The following MICAL2 variants were observed in gnomAD, a reference collection of about 807,000 sequenced individuals.
MICAL2 encodes the protein [F-actin]-monooxygenase MICAL2.
Under a neutral mutation model 127.3 loss-of-function variants are expected in MICAL2, and 77 were observed. That is an observed-to-expected ratio of 0.60 (90% confidence interval 0.50 to 0.73). The LOEUF (loss-of-function observed/expected upper bound fraction) is 0.73. Among genes scored for constraint, MICAL2 ranks in the 30% least tolerant of loss-of-function variants. The probability of loss-of-function intolerance (pLI) is 0.00; values close to 1 mark genes in which losing one functional copy is unlikely to be tolerated. For missense variants in MICAL2, 1,351 were observed against 1,434.4 expected, an observed-to-expected ratio of 0.94 and a Z score of 0.94; for synonymous variants, 570 against 551.1, an observed-to-expected ratio of 1.03 and a Z score of -0.48.
chr11:12,276,226 T>C (rs1421899198), intron 1 of MICAL2: 4 of 370,890 alleles, frequency 1.1e-5, no homozygotes, highest in Non-Finnish European at 1.8e-5. Flanking sequence ...GGAATCACAT[T>C]TGGGATTGGG....
chr11:12,138,752 A>G (rs1011554115), intron 2 of MICAL2, among the ~76,000 whole-genome samples: 2 of 152,178 alleles, frequency 1.3e-5, no homozygotes, highest in African/African-American at 4.8e-5. Flanking sequence ...GCCAGGCAGC[A>G]ATTCCCGGCA....
At chr11:12,213,592 G>T (rs1289152137) in intron 7 of MICAL2, among the ~76,000 whole-genome samples, 182 bp downstream of exon 7, 1 of 152,238 alleles carries the variant, frequency 6.6e-6, no homozygotes, top group Non-Finnish European at 1.5e-5. Flanking sequence ...GGACAAGAGA[G>T]ATTCTTGAGG....
At chr11:12,139,260 T>G (rs1015494473) in intron 2 of MICAL2, among the ~76,000 whole-genome samples, 6 of 152,146 alleles carry the variant, frequency 3.9e-5, no homozygotes. Context: ...GAGAACATTT[T>G]GGGACCATAT....
At chr11:12,144,094 G>A (rs1304274847) in intron 2 of MICAL2, among the ~76,000 whole-genome samples, 1 of 152,166 alleles carries the variant, frequency 6.6e-6, no homozygotes, top group African/African-American at 2.4e-5. Context: ...TCTATGGAGA[G>A]GAGCAAACCA....
At chr11:12,149,303 A>G (rs187449138) in intron 2 of MICAL2, among the ~76,000 whole-genome samples, 5 of 152,168 alleles carry the variant, frequency 3.3e-5, no homozygotes, top group Admixed American at 2.0e-4. Flanking sequence ...TCACGAAGGT[A>G]GTTTTTGTTT....
chr11:12,210,573 G>A (rs976118886), intron 6 of MICAL2, among the ~76,000 whole-genome samples: 13 of 152,206 alleles, frequency 8.5e-5, no homozygotes, highest in Middle Eastern at 3.4e-3. Flanking sequence ...TACCCACCTC[G>A]CCAACCATAG....
chr11:12,298,225 A>C (rs1864009306), intron 29 of MICAL2, among the ~76,000 whole-genome samples: 1 of 151,948 alleles, frequency 6.6e-6, no homozygotes, highest in African/African-American at 2.4e-5. Flanking sequence ...CATAATTATT[A>C]ATTTTATTAA....
intron 29 of MICAL2, among the ~76,000 whole-genome samples, chr11:12,318,166 C>T (rs1322056329): frequency 9.9e-5 from 15 of 152,216 alleles, no homozygotes; most frequent in Admixed American, 9.8e-4. Flanking sequence ...GCACTTTACA[C>T]TGATTATCTC....
At chr11:12,227,242 G>C in intron 15 of MICAL2, 111 bp downstream of exon 15, 1 of 749,816 alleles carries the variant, frequency 1.3e-6, no homozygotes, top group South Asian at 1.8e-5. Context: ...ACATGGATCA[G>C]GCGCTCCCGG....
At chr11:12,355,903 T>C (rs1478496458) in intron 34 of MICAL2, among the ~76,000 whole-genome samples, 1 of 152,164 alleles carries the variant, frequency 6.6e-6, no homozygotes, top group African/African-American at 2.4e-5. Flanking sequence ...ATTTTTTATA[T>C]GTCAGAGGGG....
chr11:12,167,784 C>A (rs1219306493), intron 3 of MICAL2, among the ~76,000 whole-genome samples: 1 of 152,100 alleles, frequency 6.6e-6, no homozygotes, highest in Non-Finnish European at 1.5e-5. Context: ...CGGGTTGTAC[C>A]AATGGTTGCA....
At chr11:12,210,744 G>A (rs889406770) in intron 6 of MICAL2, among the ~76,000 whole-genome samples, 5 of 152,210 alleles carry the variant, frequency 3.3e-5, no homozygotes, top group Non-Finnish European at 7.3e-5. Context: ...AAGAAGGGTG[G>A]AGAGTGATGG....
intron 6 of MICAL2, among the ~76,000 whole-genome samples, chr11:12,212,422 G>C (rs1363628842): frequency 1.3e-5 from 2 of 152,140 alleles, no homozygotes; most frequent in African/African-American, 4.8e-5. Flanking sequence ...GCTGCAGTGA[G>C]CCATGATTGG....
chr11:12,167,449 C>A (rs1370135829), intron 3 of MICAL2, among the ~76,000 whole-genome samples: 1 of 152,040 alleles, frequency 6.6e-6, no homozygotes. Context: ...AGGGAGGCAG[C>A]GAGGCAGGGT....
At chr11:12,148,697 G>A (rs1247133261) in intron 2 of MICAL2, among the ~76,000 whole-genome samples, 3 of 152,246 alleles carry the variant, frequency 2.0e-5, no homozygotes, top group Non-Finnish European at 4.4e-5. Flanking sequence ...CCCGGGGCTT[G>A]CAGCCTTCAG....
At chr11:12,167,026 C>G (rs1365207317) in intron 3 of MICAL2, among the ~76,000 whole-genome samples, 1 of 152,004 alleles carries the variant, frequency 6.6e-6, no homozygotes, top group Non-Finnish European at 1.5e-5. Flanking sequence ...GAAAACGCCT[C>G]CTGGTCCAGG....
chr11:12,349,702 C>T (rs767605766), intron 32 of MICAL2: 19 of 723,012 alleles, frequency 2.6e-5, no homozygotes, highest in South Asian at 8.7e-5. Flanking sequence ...CCTGGAGGCA[C>T]CTACAGGGTG....
At chr11:12,221,242 T>C (rs1043500028) in intron 9 of MICAL2, among the ~76,000 whole-genome samples, 1 of 152,158 alleles carries the variant, frequency 6.6e-6, no homozygotes, top group Non-Finnish European at 1.5e-5. Flanking sequence ...TGTTCTTCCA[T>C]CAGGCGCCAG....
At position 12,216,247 on chromosome 11, in the gene MICAL2, C is replaced by G; in HGVS notation, c.876C>G (p.Tyr292Ter). The G allele has an allele frequency of 1.9e-6, 3 of 1,613,788 alleles. No individual in the cohort carries two copies. Among genetic ancestry groups the G allele is most frequent in the Non-Finnish European group, 2.5e-6 (3 of 1,179,678 alleles). ...TGIDLENIVY[Y>*]KDCTHYFVMT... ...TAGATCTTGAGAACATTGTTTACTA[C>G]AAGGACTGCACCCACTATTTTGTAA... The change falls in exon 8 of 28, where the codon TAC becomes TAG. Residue 292 changes from tyrosine (Y) to a stop codon, truncating the protein, a stop_gained. Transcript: ENST00000683283. LOFTEE classifies it high-confidence loss of function.
Sources: allele counts gnomAD v4.1 joint callset (sites outside exome capture counted in the v4.1 genomes callset), GRCh38; gene constraint gnomAD v4.1.1; transcripts MANE v1.5; gene names NCBI Gene and HGNC (gene_info 2026-07-23, HGNC 2026-07-21).